TRRAP: variants seen among roughly 807,000 people sequenced by gnomAD.
TRRAP encodes the protein transformation/transcription domain-associated protein.
Under a neutral mutation model 438.8 loss-of-function variants are expected in TRRAP, and 41 were observed. That is an observed-to-expected ratio of 0.09 (90% CI 0.07 to 0.12). TRRAP has a LOEUF of 0.12. Among genes scored for constraint, TRRAP ranks in the 10% least tolerant of loss-of-function variants. TRRAP has a pLI of 1.00. For synonymous variants in TRRAP, 1,994 were observed against 1,962.9 expected (o/e 1.02, Z -0.42); for missense variants, 3,122 against 5,055.1 (o/e 0.62, Z 11.60).
intron 11 of TRRAP, among the ~76,000 whole-genome samples, chr7:98,902,257 G>A (rs1428604344): frequency 6.6e-6 from 1 of 152,202 alleles, no homozygotes; most frequent in Non-Finnish European, 1.5e-5. Flanking sequence ...CTTTTCTGAG[G>A]AGACTGTATG....
chr7:99,008,841 G>A (rs554584892), intron 70 of TRRAP, among the ~76,000 whole-genome samples: 28 of 152,270 alleles, frequency 1.8e-4, no homozygotes, highest in African/African-American at 5.1e-4. Flanking sequence ...ACAAAGAAGC[G>A]CCGAAATTAG....
intron 3 of TRRAP, 30 bp from the exon 4 acceptor site, chr7:98,890,305 G>T: frequency 7.2e-7 from 1 of 1,396,732 alleles, no homozygotes. Context: ...ACACATAACT[G>T]AATGGGGTCT....
chr7:98,942,243 A>G (rs115882493), intron 30 of TRRAP, among the ~76,000 whole-genome samples: 2,725 of 152,260 alleles, frequency 0.018, 83 homozygotes, highest in African/African-American at 0.061. Flanking sequence ...TTGTGGCCCT[A>G]TGGCACTCAC....
chr7:98,960,557 G>A (rs1791840466), intron 45 of TRRAP, among the ~76,000 whole-genome samples: 1 of 152,114 alleles, frequency 6.6e-6, no homozygotes, highest in African/African-American at 2.4e-5. Context: ...TACATAGTTT[G>A]AAAGATGCTT....
intron 30 of TRRAP, among the ~76,000 whole-genome samples, chr7:98,941,785 C>T (rs537059212): frequency 2.2e-4 from 34 of 152,196 alleles, no homozygotes; most frequent in Non-Finnish European, 4.1e-4. Flanking sequence ...TGACTCCGCA[C>T]GATGTCGGTG....
rs1584358084 is a variant in TRRAP at position 98,956,380 on chromosome 7, G to A, written c.6097-19G>A. On this transcript the variant is annotated intron_variant, in intron 42 of 72. Coordinates refer to ENST00000456197, the MANE Select transcript of TRRAP (RefSeq NM_001375524.1). This position sits in a 1 kb window ranked among gnomAD's most constrained non-coding sequence, Gnocchi z 4.5. Reference sequence around the variant, plus strand: ...CCTAGAAATCAGTCAGTAAAACCAAGCGCCTGTGTGTTTTTAAGCCGGATT... The same window carrying A: ...CCTAGAAATCAGTCAGTAAAACCAAACGCCTGTGTGTTTTTAAGCCGGATT... 5 of 1,613,654 alleles carry A rather than the reference G, an allele frequency of 3.1e-6. No homozygotes were observed. The East Asian group carries it at 1.1e-4, about 36-fold the overall frequency.
At chr7:99,010,081 T>C (rs759114370) in intron 70 of TRRAP, among the ~76,000 whole-genome samples, 6 of 151,906 alleles carry the variant, frequency 3.9e-5, no homozygotes, top group Non-Finnish European at 8.8e-5. Context: ...AGAGATGGGG[T>C]TTCACCATGT....
chr7:98,910,231 C>G lies in TRRAP; in HGVS notation c.1526C>G (p.Pro509Arg). The change falls in exon 15 of 73, where the codon CCC (proline) becomes CGC (arginine). Residue 509 changes from proline to arginine, a missense_variant. Coordinates refer to ENST00000456197, the MANE Select transcript of TRRAP (RefSeq NM_001375524.1). ...SPAPVPAPPP[P>R]PPPPPPATPV... Reference sequence around the variant, plus strand: ...GCCCCTGTCCCTGCCCCACCTCCACCCCCGCCCCCACCCCCACCTGCCACC... The same window carrying G: ...GCCCCTGTCCCTGCCCCACCTCCACGCCCGCCCCCACCCCCACCTGCCACC... 1 of 1,443,188 alleles carries G rather than the reference C, an allele frequency of 6.9e-7. No individual in the cohort carries two copies. Among genetic ancestry groups the G allele is most frequent in the Non-Finnish European group, 9.1e-7 (1 of 1,095,612 alleles). The allele number at this position is 1,443,188 out of a possible 1,614,324, so 89.4% of individuals were successfully genotyped here.
At chr7:98,959,217 A>G in intron 44 of TRRAP, 127 bp from the exon 45 acceptor site, 1 of 1,294,848 alleles carries the variant, frequency 7.7e-7, no homozygotes, top group Non-Finnish European at 1.1e-6. Context: ...GGCGGAAGAG[A>G]GGTGGCTGTG....
At chr7:98,950,562 A>C (rs1408337418) in intron 38 of TRRAP, among the ~76,000 whole-genome samples, 1 of 152,190 alleles carries the variant, frequency 6.6e-6, no homozygotes, top group Admixed American at 6.5e-5. Flanking sequence ...GTAGGTGAGA[A>C]AGTGCCGTTG....
chr7:98,911,169 C>T lies in TRRAP; in HGVS notation c.1905C>T (p.Phe635=), dbSNP rs149527392. Residue 635 remains phenylalanine (F), a synonymous_variant, in exon 17 of 73, where the codon TTC becomes TTT. Coordinates refer to ENST00000456197, the MANE Select transcript of TRRAP (RefSeq NM_001375524.1). ...AGGAGAAGGAGGTATTGGAGCATTTCGCTGGTGTGTTCACAATGATGAACC... is the reference window on the plus strand; with the variant it reads ...AGGAGAAGGAGGTATTGGAGCATTTTGCTGGTGTGTTCACAATGATGAACC... ...MKEEKEVLEH[F]AGVFTMMNPL... The T allele has an allele frequency of 2.6e-4, 424 of 1,614,138 alleles. 2 individuals carry two copies. In the African/African-American group the frequency reaches 4.5e-3, roughly 17 times the overall value.
intron 67 of TRRAP, among the ~76,000 whole-genome samples, chr7:99,002,528 G>T (rs1045363945): frequency 3.3e-5 from 5 of 152,194 alleles, no homozygotes; most frequent in African/African-American, 9.7e-5. Context: ...TTGGTCCAGC[G>T]TGGAGAGGGA....
At chr7:98,967,355 G>A (rs1334179807) in intron 50 of TRRAP, 130 bp from the exon 51 acceptor site, 15 of 1,275,914 alleles carry the variant, frequency 1.2e-5, no homozygotes, top group African/African-American at 1.5e-5. Context: ...AGCCTGCCAC[G>A]ATTTATAACA....
At chr7:98,899,572 T>A (rs186407382) in intron 9 of TRRAP, 73 bp downstream of exon 9, 119 of 1,604,506 alleles carry the variant, frequency 7.4e-5, no homozygotes, top group Non-Finnish European at 9.6e-5. Flanking sequence ...GGCCAAAAGA[T>A]GTGTATAATA....
chr7:99,010,467 G>A (rs997515329), intron 70 of TRRAP, among the ~76,000 whole-genome samples: 4 of 152,180 alleles, frequency 2.6e-5, no homozygotes, highest in Admixed American at 2.0e-4. Context: ...CAGAGCACGT[G>A]GGTAGGACTA....
chr7:98,924,666 G>A (rs1434196133), intron 21 of TRRAP, among the ~76,000 whole-genome samples: 1 of 141,586 alleles, frequency 7.1e-6, no homozygotes, highest in Non-Finnish European at 1.5e-5. Context: ...TCCAGCCTGG[G>A]CGACAGAGCA....
intron 47 of TRRAP, among the ~76,000 whole-genome samples, chr7:98,964,227 G>A (rs1430563557): frequency 6.6e-6 from 1 of 152,136 alleles, no homozygotes; most frequent in East Asian, 1.9e-4. Flanking sequence ...TTCTCAGAAT[G>A]AAGTGCAAAT....
intron 1 of TRRAP, among the ~76,000 whole-genome samples, chr7:98,878,992 G>A (rs1304533245): frequency 6.6e-6 from 1 of 152,026 alleles, no homozygotes; most frequent in East Asian, 2.0e-4. Flanking sequence ...TTGGGGGCCT[G>A]TCCCTCCGGA....
At chr7:98,889,411 T>G (rs1488394426) in intron 3 of TRRAP, among the ~76,000 whole-genome samples, 1 of 152,230 alleles carries the variant, frequency 6.6e-6, no homozygotes, top group East Asian at 1.9e-4. Flanking sequence ...GTCTTCACAA[T>G]AGTCCTATAA....
Sources: gnomAD v4.1 joint callset for allele counts (sites outside exome capture counted in the v4.1 genomes callset) on GRCh38, gnomAD v4.1.1 for gene constraint, Gnocchi (gnomAD v3.1) non-coding constraint, MANE v1.5 for transcripts, NCBI Gene and HGNC (gene_info 2026-07-23, HGNC 2026-07-21) for gene names.